FHIP1A: variants seen among roughly 807,000 people sequenced by gnomAD.
The protein encoded by FHIP1A is FHF complex subunit HOOK-interacting protein 1A.
A neutral mutation model predicts 88.6 loss-of-function variants in FHIP1A; 61 were observed. The ratio of observed to expected loss-of-function variants is 0.69; its 90% CI spans 0.56 to 0.85. The LOEUF (loss-of-function observed/expected upper bound fraction) is 0.85, where lower values mean the gene tolerates loss of function less well. Ranked by LOEUF, FHIP1A falls within the 40% of genes least tolerant of loss-of-function variation. The pLI is 0.00. For missense variants in FHIP1A, 1,154 were observed against 1,273.5 expected (o/e 0.91, Z 1.43); for synonymous variants, 478 against 496.0 (o/e 0.96, Z 0.48).
chr4:151,426,863 A>C (rs1293429907), intron 1 of FHIP1A, among the ~76,000 whole-genome samples: 1 of 152,178 alleles, frequency 6.6e-6, no homozygotes, highest in Non-Finnish European at 1.5e-5. Flanking sequence ...TTCTTTAAAA[A>C]CCAAAAATAA....
Position 151,666,621 on chromosome 4 carries a change from C to T in FHIP1A, c.*3867C>T, listed in dbSNP as rs568544581. Among the ~76,000 whole-genome samples, 42 of 152,272 alleles carry T rather than the reference C, an allele frequency of 2.8e-4. No homozygotes were observed. The highest frequency in any genetic ancestry group is 9.9e-4 in the African/African-American group (41 of 41,540). On this transcript the variant is annotated 3_prime_UTR_variant, in exon 14 of 14. Transcript: ENST00000435205. ...TTAATTTGGGCAGCCAGTGGGTACT[C>T]AGGGTCGAAAGTTGTTTCCAGTGTC...
At position 151,649,469 on chromosome 4, in the gene FHIP1A, G is replaced by A; in HGVS notation, c.1428G>A (p.Glu476=). 2 of 1,547,536 alleles carry A rather than the reference G, an allele frequency of 1.3e-6. No individual in the cohort carries two copies. Among genetic ancestry groups the A allele is most frequent in the Non-Finnish European group, 1.7e-6 (2 of 1,144,898 alleles). Residue 476 remains glutamate, a synonymous_variant, in exon 11 of 14, where the codon GAG becomes GAA. Transcript: ENST00000435205. ...KCMHDTSGPV[E]RPFPEAFSES... ...CTGCCTCCTGTGCAGGGCCTGTGGA[G>A]CGGCCATTCCCCGAAGCGTTCTCCG...
At chr4:151,537,209 CAG>C (rs1732102430) in intron 3 of FHIP1A, among the ~76,000 whole-genome samples, 1 of 151,832 alleles carries the variant, frequency 6.6e-6, no homozygotes, top group African/African-American at 2.4e-5. Context: ...AAATGTTTTC[CAG>C]AGTGACTATA....
chr4:151,503,871 A>C (rs1012306024), intron 3 of FHIP1A, among the ~76,000 whole-genome samples: 1 of 152,182 alleles, frequency 6.6e-6, no homozygotes, highest in African/African-American at 2.4e-5. Context: ...CTTTGTTCTT[A>C]GATCCTCTTT....
intron 7 of FHIP1A, among the ~76,000 whole-genome samples, chr4:151,590,449 G>A (rs1207604369): frequency 2.0e-5 from 3 of 152,146 alleles, no homozygotes; most frequent in Non-Finnish European, 2.9e-5. Flanking sequence ...GAGCTGTTAC[G>A]AGGATCTTAC....
intron 2 of FHIP1A, among the ~76,000 whole-genome samples, chr4:151,466,949 CA>C (rs1729341472): frequency 6.6e-6 from 1 of 152,138 alleles, no homozygotes; most frequent in Non-Finnish European, 1.5e-5. Flanking sequence ...ACACCAAAAG[CA>C]ATTGCAACAA....
intron 2 of FHIP1A, among the ~76,000 whole-genome samples, chr4:151,472,063 G>A (rs1361678068): frequency 6.6e-6 from 1 of 152,120 alleles, no homozygotes; most frequent in Non-Finnish European, 1.5e-5. Flanking sequence ...TGCGAATTGT[G>A]AGAAGCCATA....
At chr4:151,492,895 A>G (rs1047190142) in intron 3 of FHIP1A, among the ~76,000 whole-genome samples, 3 of 152,188 alleles carry the variant, frequency 2.0e-5, no homozygotes, top group Non-Finnish European at 2.9e-5. Context: ...AAAGAGCACA[A>G]ATAGATAATC....
In FHIP1A at chr4:151,665,085, C is replaced by A. The variant is rs147387149; in HGVS notation, c.*2331C>A. 6.6e-6 allele frequency among the ~76,000 whole-genome samples: 1 copy of A among 152,280 alleles called. No homozygotes were observed. Among genetic ancestry groups the A allele is most frequent in the East Asian group, 1.9e-4 (1 of 5,180 alleles). On this transcript the variant is annotated 3_prime_UTR_variant, in exon 14 of 14. Coordinates refer to ENST00000435205, the MANE Select transcript of FHIP1A (RefSeq NM_001109977.3). Reference sequence around the variant, plus strand: ...AACCTCCTGGGCTCAAGTGATCCTCCCACCTCAGCCTTCCGAGTAGCTGGG... The same window carrying A: ...AACCTCCTGGGCTCAAGTGATCCTCACACCTCAGCCTTCCGAGTAGCTGGG...
chr4:151,586,833 G>A, intron 6 of FHIP1A, 34 bp downstream of exon 6: 1 of 1,479,842 alleles, frequency 6.8e-7, no homozygotes, highest in Non-Finnish European at 9.1e-7. Flanking sequence ...CCTTTGCTAT[G>A]GCTTCATTCA....
intron 3 of FHIP1A, among the ~76,000 whole-genome samples, chr4:151,550,382 CT>C (rs1335937960): frequency 2.3e-4 from 35 of 152,242 alleles, no homozygotes; most frequent in Admixed American, 2.3e-3. Flanking sequence ...CCCCGAACCC[CT>C]ATGTGTGTAT....
chr4:151,450,587 C>T (rs1445750917), intron 1 of FHIP1A, among the ~76,000 whole-genome samples: 1 of 152,120 alleles, frequency 6.6e-6, no homozygotes, highest in Non-Finnish European at 1.5e-5. Context: ...AAATTACTAT[C>T]AGTGATATTG....
At chr4:151,442,456 A>G (rs1445864222) in intron 1 of FHIP1A, among the ~76,000 whole-genome samples, 2 of 152,134 alleles carry the variant, frequency 1.3e-5, no homozygotes, top group African/African-American at 4.8e-5. Flanking sequence ...AAAGTCAAGA[A>G]TCATGGTCAT....
At chr4:151,499,087 G>A (rs938520129) in intron 3 of FHIP1A, among the ~76,000 whole-genome samples, 4 of 152,204 alleles carry the variant, frequency 2.6e-5, no homozygotes, top group African/African-American at 9.7e-5. Flanking sequence ...GAGAGCACAT[G>A]GAGTCTGAAA....
intron 9 of FHIP1A, among the ~76,000 whole-genome samples, chr4:151,643,416 AG>A (rs1736668304): frequency 6.6e-6 from 1 of 152,230 alleles, no homozygotes; most frequent in Non-Finnish European, 1.5e-5. Flanking sequence ...CGGGATCATT[AG>A]GATATCTATC....
chr4:151,509,627 GGGGCA>G, intron 3 of FHIP1A, among the ~76,000 whole-genome samples: 1 of 152,160 alleles, frequency 6.6e-6, no homozygotes, highest in South Asian at 2.1e-4. Flanking sequence ...AATAGTGGTC[GGGGCA>G]GGGAATAATG....
chr4:151,464,083 C>T (rs1729225250), intron 2 of FHIP1A, among the ~76,000 whole-genome samples: 1 of 152,198 alleles, frequency 6.6e-6, no homozygotes, highest in East Asian at 1.9e-4. Context: ...TGGGGTCTCA[C>T]AGTGTTGCCC....
At chr4:151,541,812 G>T (rs1732302106) in intron 3 of FHIP1A, among the ~76,000 whole-genome samples, 1 of 152,132 alleles carries the variant, frequency 6.6e-6, no homozygotes, top group Admixed American at 6.5e-5. Context: ...GTAAATAGTT[G>T]CTCCTTTACA....
Position 151,509,913 on chromosome 4 carries a change from CT to C in FHIP1A, c.-123+27269del, listed in dbSNP as rs543423768. 5.9e-5 allele frequency among the ~76,000 whole-genome samples: 9 copies of C among 152,206 alleles called. No individual in the cohort carries two copies. The East Asian group carries it at 1.5e-3, about 26-fold the overall frequency. On this transcript the variant is annotated intron_variant, in intron 3 of 13. Transcript: ENST00000435205. ...TTATCTTTCTTTGTTGGGCAGGAAC[CT>C]TTTGGGAGGCCCAATAATTTTCCTG... is the stretch of plus-strand genomic sequence containing the variant.
Sources: gnomAD v4.1 joint callset for allele counts (sites outside exome capture counted in the v4.1 genomes callset) on GRCh38, gnomAD v4.1.1 for gene constraint, MANE v1.5 for transcripts, NCBI Gene and HGNC (gene_info 2026-07-23, HGNC 2026-07-21) for gene names.